Variants in ASCC3 observed in about 807,000 individuals in gnomAD.
ASCC3 encodes activating signal cointegrator 1 complex subunit 3, also known as ASC-1 complex subunit P200.
ASCC3 carries 158 observed loss-of-function variants against 256.3 expected under a neutral mutation model. The observed-to-expected ratio is 0.62, with a 90% CI of 0.54 to 0.70. The LOEUF is 0.70. Among genes scored for constraint, ASCC3 ranks in the 30% least tolerant of loss-of-function variants. The pLI, the probability that ASCC3 is intolerant of heterozygous loss-of-function variation, is 0.00. For missense variants in ASCC3, 2,259 were observed against 2,626.0 expected, an observed-to-expected ratio of 0.86 and a Z score of 3.05; for synonymous variants, 948 against 883.4, an observed-to-expected ratio of 1.07 and a Z score of -1.30.
At chr6:100,840,226 A>C (rs1180354920) in intron 4 of ASCC3, among the ~76,000 whole-genome samples, 1 of 152,054 alleles carries the variant, frequency 6.6e-6, no homozygotes, top group Non-Finnish European at 1.5e-5. Flanking sequence ...GATCCAAATA[A>C]CTCTCCACCC....
chr6:100,608,090 C>G (rs566874344), intron 30 of ASCC3, among the ~76,000 whole-genome samples: 1,106 of 71,640 alleles, frequency 0.015, 53 homozygotes, highest in East Asian at 0.057. Flanking sequence ...GTATATATAT[C>G]TATATACACA....
At chr6:100,804,840 T>C (rs529558574) in intron 5 of ASCC3, among the ~76,000 whole-genome samples, 4 of 152,302 alleles carry the variant, frequency 2.6e-5, no homozygotes, top group African/African-American at 9.6e-5. Context: ...AAAAGTAGTT[T>C]AGAGATTTCT....
intron 36 of ASCC3, among the ~76,000 whole-genome samples, chr6:100,578,573 T>C (rs1258433329): frequency 1.3e-5 from 2 of 152,086 alleles, no homozygotes; most frequent in Non-Finnish European, 2.9e-5. Flanking sequence ...ACTCCATCCA[T>C]GTTTCTGCAA....
At chr6:100,608,186 G>GTA (rs1298525053) in intron 30 of ASCC3, among the ~76,000 whole-genome samples, 1 of 26,140 alleles carries the variant, frequency 3.8e-5, no homozygotes, top group East Asian at 8.9e-4. Context: ...ATATGTGTGT[G>GTA]TATATATATA....
chr6:100,531,514 A>C (rs941664210), intron 37 of ASCC3, among the ~76,000 whole-genome samples: 4 of 152,042 alleles, frequency 2.6e-5, no homozygotes, highest in African/African-American at 9.7e-5. Context: ...CACTTCCAAT[A>C]AGGGTGATAT....
chr6:100,673,469 T>C (rs1776854624), intron 14 of ASCC3, among the ~76,000 whole-genome samples: 1 of 152,116 alleles, frequency 6.6e-6, no homozygotes, highest in Non-Finnish European at 1.5e-5. Flanking sequence ...TAACAAGATG[T>C]ATTAATTTAT....
intron 36 of ASCC3, among the ~76,000 whole-genome samples, chr6:100,569,948 A>T (rs893311990): frequency 7.2e-5 from 11 of 152,076 alleles, no homozygotes; most frequent in Admixed American, 7.2e-4. Flanking sequence ...TGTGTTATCT[A>T]TGTTATCTTT....
chr6:100,590,163 T>G, intron 34 of ASCC3, 104 bp from the exon 35 acceptor site: 1 of 820,288 alleles, frequency 1.2e-6, no homozygotes, highest in South Asian at 1.5e-5. Flanking sequence ...CCTTTTATTA[T>G]AAAACCTATC....
At chr6:100,589,553 G>A in intron 36 of ASCC3, 81 bp downstream of exon 36, 1 of 1,556,188 alleles carries the variant, frequency 6.4e-7, no homozygotes, top group Non-Finnish European at 8.8e-7. Context: ...AATGGTTTCT[G>A]TTAAATTTCA....
At chr6:100,798,064 C>G (rs936995806) in intron 8 of ASCC3, among the ~76,000 whole-genome samples, 2 of 151,934 alleles carry the variant, frequency 1.3e-5, no homozygotes, top group African/African-American at 4.8e-5. Context: ...TTTTTGCTTG[C>G]CTGTATTATT....
chr6:100,828,265 TA>T (rs908487065), intron 4 of ASCC3, among the ~76,000 whole-genome samples: 1 of 152,020 alleles, frequency 6.6e-6, no homozygotes, highest in African/African-American at 2.4e-5. Flanking sequence ...GAAATGGGGA[TA>T]AAAAAAGTAC....
chr6:100,510,483 T>C, intron 40 of ASCC3, among the ~76,000 whole-genome samples: 1 of 152,064 alleles, frequency 6.6e-6, no homozygotes, highest in East Asian at 1.9e-4. Context: ...AATCAAATCT[T>C]CCAAAACCTT....
chr6:100,712,730 A>G (rs903207906), intron 13 of ASCC3, among the ~76,000 whole-genome samples: 10 of 149,466 alleles, frequency 6.7e-5, no homozygotes, highest in African/African-American at 2.2e-4. Flanking sequence ...TACTCCTACC[A>G]TATGATCTAG....
intron 12 of ASCC3, 57 bp from the exon 13 acceptor site, chr6:100,715,590 T>A: frequency 1.3e-6 from 2 of 1,496,714 alleles, no homozygotes; most frequent in Non-Finnish European, 1.8e-6. Context: ...ACTTTCTAAC[T>A]ACAAATAAAA....
chr6:100,590,522 G>C (rs1029574790), intron 34 of ASCC3, among the ~76,000 whole-genome samples: 19 of 152,152 alleles, frequency 1.2e-4, no homozygotes, highest in Middle Eastern at 3.4e-3. Flanking sequence ...CCATAATCTT[G>C]GCAGTTCCCT....
At position 100,647,350 on chromosome 6, in the gene ASCC3, CTT is replaced by C; in HGVS notation, c.3352_3353del (p.Lys1118GlufsTer7). The C allele has an allele frequency of 6.2e-7, 1 of 1,613,942 alleles. No individual in the cohort carries two copies. The highest frequency in any genetic ancestry group is 8.5e-7 in the Non-Finnish European group (1 of 1,179,896). On this transcript the variant is annotated frameshift_variant, in exon 21 of 42. Coordinates refer to ENST00000369162, the MANE Select transcript of ASCC3 (RefSeq NM_006828.4). LOFTEE classifies it high-confidence loss of function. ...AAGGGCTAGCCCAACCCCAAAGCCT[CTT>C]GTCAATGACTTTACTAAGATTCAGG... ...RLLNLSKVID[K>X]RLWGWASPLR...
chr6:100,767,347 TA>T lies in ASCC3; in HGVS notation c.1396-3del, dbSNP rs11345864. ...TCCTTTAAAAGCCAGCTGTCCGATC[TA>T]AAAAAAAAAGGCATCACCCATTATA... On this transcript the variant is annotated splice_region_variant and splice_polypyrimidine_tract_variant and intron_variant, in intron 8 of 41. Coordinates refer to ENST00000369162, the MANE Select transcript of ASCC3 (RefSeq NM_006828.4). 1,572,793 of 1,584,150 alleles carry T rather than the reference TA, an allele frequency of 0.99. 781,025 individuals are homozygous for T. Among genetic ancestry groups the T allele is most frequent in the East Asian group, 1 (44,301 of 44,364 alleles).
chr6:100,810,238 T>G (rs1210409165), intron 4 of ASCC3, among the ~76,000 whole-genome samples: 1 of 152,108 alleles, frequency 6.6e-6, no homozygotes, highest in Non-Finnish European at 1.5e-5. Flanking sequence ...CTGGTCTTAC[T>G]AGGCAGAATG....
intron 22 of ASCC3, among the ~76,000 whole-genome samples, chr6:100,645,163 T>A (rs1260212234): frequency 3.3e-5 from 5 of 152,162 alleles, no homozygotes; most frequent in African/African-American, 1.2e-4. Context: ...TGCAGATTTA[T>A]TACAGATATT....
Sources: allele counts gnomAD v4.1 joint callset (sites outside exome capture counted in the v4.1 genomes callset), GRCh38; gene constraint gnomAD v4.1.1; transcripts MANE v1.5; gene names NCBI Gene and HGNC (gene_info 2026-07-23, HGNC 2026-07-21).